Variants in NELL2 observed in about 807,000 individuals in gnomAD.
The protein encoded by NELL2 is protein kinase C-binding protein NELL2.
NELL2 carries 41 observed loss-of-function variants against 109.6 expected under a neutral mutation model. The ratio of observed to expected loss-of-function variants is 0.37; its 90% CI spans 0.29 to 0.49. The LOEUF is 0.49. NELL2 is among the 20% of genes least tolerant of loss of function. The probability of loss-of-function intolerance (pLI) is 0.98; values close to 1 mark genes in which losing one functional copy is unlikely to be tolerated. For synonymous variants in NELL2, 355 were observed against 344.7 expected, an observed-to-expected ratio of 1.03 and a Z score of -0.33; for missense variants, 900 against 1,008.3, an observed-to-expected ratio of 0.89 and a Z score of 1.45.
upstream of NELL2, among the ~76,000 whole-genome samples, chr12:44,877,342 A>G (rs1465546548): frequency 2.6e-5 from 4 of 152,346 alleles, no homozygotes; most frequent in East Asian, 7.7e-4. Context: ...ATGTATGTTC[A>G]AGATCAATGG....
intron 15 of NELL2, among the ~76,000 whole-genome samples, chr12:44,577,043 T>TATA (rs1404228919): frequency 2.9e-5 from 4 of 137,474 alleles, no homozygotes; most frequent in Non-Finnish European, 6.2e-5. Flanking sequence ...TGATTTATAG[T>TATA]CCTTTGGGTA....
chr12:44,640,389 T>C (rs987597033), intron 13 of NELL2, among the ~76,000 whole-genome samples: 3 of 152,190 alleles, frequency 2.0e-5, no homozygotes, highest in East Asian at 1.9e-4. Flanking sequence ...AATTAAATAA[T>C]AGGAACTGAG....
intron 13 of NELL2, among the ~76,000 whole-genome samples, chr12:44,631,974 CCTAT>C (rs1417221828): frequency 1.3e-5 from 2 of 152,032 alleles, no homozygotes; most frequent in Non-Finnish European, 2.9e-5. Flanking sequence ...GATCATACAT[CCTAT>C]CTAAGTGGAG....
intron 2 of NELL2, among the ~76,000 whole-genome samples, chr12:44,865,226 T>C (rs1248539120): frequency 1.7e-4 from 21 of 120,794 alleles, no homozygotes; most frequent in Non-Finnish European, 3.2e-4. Flanking sequence ...TGTTTGTTTT[T>C]TTCTTGTAAA....
At chr12:44,868,792 C>A (rs1461397949) in intron 2 of NELL2, among the ~76,000 whole-genome samples, 1 of 152,008 alleles carries the variant, frequency 6.6e-6, no homozygotes, top group Non-Finnish European at 1.5e-5. Context: ...AATTAGATGG[C>A]ACAATATGTT....
chr12:44,682,981 T>A (rs989168391), intron 12 of NELL2, among the ~76,000 whole-genome samples: 1 of 152,220 alleles, frequency 6.6e-6, no homozygotes, highest in Admixed American at 6.5e-5. Context: ...TTGATGGGGA[T>A]GACATTGAAT....
chr12:44,818,932 C>T (rs866485733), intron 2 of NELL2, among the ~76,000 whole-genome samples: 26 of 150,614 alleles, frequency 1.7e-4, no homozygotes, highest in Admixed American at 4.6e-4. Context: ...TTAGTAGAGA[C>T]GGGGTTTCAC....
intron 12 of NELL2, among the ~76,000 whole-genome samples, chr12:44,694,512 C>T (rs953139969): frequency 1.7e-5 from 2 of 118,734 alleles, no homozygotes; most frequent in Non-Finnish European, 3.6e-5. Context: ...ATATACAACA[C>T]ACATACAAAC....
intron 2 of NELL2, among the ~76,000 whole-genome samples, chr12:44,819,219 A>C (rs1415481927): frequency 6.6e-6 from 1 of 152,200 alleles, no homozygotes; most frequent in African/African-American, 2.4e-5. Flanking sequence ...GAAACTATCA[A>C]AAAAATTGAT....
At chr12:44,696,911 T>G (rs1949077077) in intron 12 of NELL2, among the ~76,000 whole-genome samples, 1 of 152,214 alleles carries the variant, frequency 6.6e-6, no homozygotes, top group Non-Finnish European at 1.5e-5. Flanking sequence ...ATACATATAT[T>G]GAATTCTGAA....
At chr12:44,534,930 G>A (rs1421313372) in intron 15 of NELL2, among the ~76,000 whole-genome samples, 11 of 151,948 alleles carry the variant, frequency 7.2e-5, no homozygotes, top group Admixed American at 5.9e-4. Context: ...CTATGGTATA[G>A]ATATATATTT....
chr12:44,739,300 G>C lies in NELL2; in HGVS notation c.995-24559C>G, dbSNP rs139022207. ...GGCCTGTGGGATTTTTCCAAAAGTA[G>C]TTTCAGAGAAAAAAAATTACTATCT... On this transcript the variant is annotated intron_variant, in intron 9 of 19. Coordinates refer to ENST00000429094, the MANE Select transcript of NELL2 (RefSeq NM_001145108.2). Among the ~76,000 whole-genome samples the C allele has an allele frequency of 4.7e-3, 708 of 152,210 alleles. 3 individuals carry two copies. Among genetic ancestry groups the C allele is most frequent in the Non-Finnish European group, 7.6e-3 (518 of 68,006 alleles).
intron 15 of NELL2, among the ~76,000 whole-genome samples, chr12:44,572,236 T>C (rs1183638323): frequency 6.6e-6 from 1 of 152,158 alleles, no homozygotes; most frequent in Non-Finnish European, 1.5e-5. Flanking sequence ...TGACCTCCTG[T>C]GTCCAAGCGA....
chr12:44,915,175 A>G (rs11614127), upstream of NELL2, among the ~76,000 whole-genome samples: 11,333 of 152,262 alleles, frequency 0.074, 546 homozygotes, highest in Admixed American at 0.12. Flanking sequence ...AAGAGAACTC[A>G]TTTTTAAAAT....
intron 9 of NELL2, chr12:44,774,525 G>T: frequency 1.9e-6 from 1 of 516,500 alleles, no homozygotes; most frequent in Non-Finnish European, 3.5e-6. Flanking sequence ...TCACTATATG[G>T]AATAGATTAC....
intron 15 of NELL2, among the ~76,000 whole-genome samples, chr12:44,590,766 AAATGGG>A (rs1454462450): frequency 2.6e-5 from 4 of 152,208 alleles, no homozygotes; most frequent in African/African-American, 9.6e-5. Flanking sequence ...AAAAGTAGAC[AAATGGG>A]ATTAGATCAA....
chr12:44,550,468 C>T (rs570401186), intron 15 of NELL2, among the ~76,000 whole-genome samples: 6 of 149,954 alleles, frequency 4.0e-5, no homozygotes, highest in Non-Finnish European at 3.0e-5. Flanking sequence ...CGCTTAAACC[C>T]GAGAGGTAGA....
intron 3 of NELL2, among the ~76,000 whole-genome samples, chr12:44,785,116 GTATAT>G (rs1211891430): frequency 4.6e-5 from 7 of 152,270 alleles, no homozygotes; most frequent in Non-Finnish European, 8.8e-5. Context: ...TGACATGATT[GTATAT>G]TTAGAAAACC....
chr12:44,562,969 C>G (rs747459108), intron 15 of NELL2, among the ~76,000 whole-genome samples: 5 of 152,128 alleles, frequency 3.3e-5, no homozygotes, highest in Non-Finnish European at 5.9e-5. Context: ...ATATATACCA[C>G]TGAATACTAC....
Sources: gnomAD v4.1 joint callset for allele counts (sites outside exome capture counted in the v4.1 genomes callset) on GRCh38, gnomAD v4.1.1 for gene constraint, MANE v1.5 for transcripts, NCBI Gene and HGNC (gene_info 2026-07-23, HGNC 2026-07-21) for gene names.